EDN1: variants seen among roughly 807,000 people sequenced by gnomAD.
EDN1 encodes the protein endothelin 1.
Under a neutral mutation model 21.7 loss-of-function variants are expected in EDN1, and 11 were observed. The ratio of observed to expected loss-of-function variants is 0.51; its 90% confidence interval spans 0.32 to 0.84. EDN1 has a LOEUF of 0.84. Ranked by LOEUF, EDN1 falls within the 40% of genes least tolerant of loss-of-function variation. The pLI, the probability that EDN1 is intolerant of heterozygous loss-of-function variation, is 0.03. For synonymous variants in EDN1, 85 were observed against 90.6 expected (o/e 0.94, Z 0.35); for missense variants, 244 against 262.3 (o/e 0.93, Z 0.48).
At chr6:12,242,013 A>G in the EDN1 span, among the ~76,000 whole-genome samples, 1 of 152,218 alleles carries the variant, frequency 6.6e-6, no homozygotes, top group East Asian at 1.9e-4. Flanking sequence ...GTAATAGGCT[A>G]TGCATTAATG....
upstream of EDN1, among the ~76,000 whole-genome samples, chr6:12,289,259 C>T (rs1172463048): frequency 6.6e-6 from 1 of 152,162 alleles, no homozygotes; most frequent in African/African-American, 2.4e-5. Flanking sequence ...ACCTTCCTTG[C>T]ATATTCACTT....
the EDN1 span, among the ~76,000 whole-genome samples, chr6:12,281,989 C>T: frequency 6.6e-6 from 1 of 152,008 alleles, no homozygotes; most frequent in Non-Finnish European, 1.5e-5. Flanking sequence ...ATTAGGATGT[C>T]CTAGATGTTT....
chr6:12,261,070 T>C, the EDN1 span, among the ~76,000 whole-genome samples: 1 of 152,214 alleles, frequency 6.6e-6, no homozygotes, highest in Non-Finnish European at 1.5e-5. Flanking sequence ...CAGATTTGTG[T>C]GCAAAGATGA....
At chr6:12,279,753 T>C in the EDN1 span, among the ~76,000 whole-genome samples, 1 of 152,182 alleles carries the variant, frequency 6.6e-6, no homozygotes, top group Non-Finnish European at 1.5e-5. Flanking sequence ...GAACCTTAAA[T>C]GAAACTGTGG....
the EDN1 span, among the ~76,000 whole-genome samples, chr6:12,275,590 T>A: frequency 3.9e-5 from 6 of 152,062 alleles, no homozygotes; most frequent in African/African-American, 1.4e-4. Context: ...AATGTTTATA[T>A]TATATATATT....
At chr6:12,248,734 G>A in the EDN1 span, among the ~76,000 whole-genome samples, 4 of 152,212 alleles carry the variant, frequency 2.6e-5, no homozygotes, top group Non-Finnish European at 5.9e-5. Context: ...TGTGATTAAG[G>A]CTGGTGACAT....
the EDN1 span, among the ~76,000 whole-genome samples, chr6:12,235,258 G>T: frequency 4.6e-5 from 7 of 152,170 alleles, no homozygotes; most frequent in Non-Finnish European, 1.0e-4. Flanking sequence ...AGGAACCTCA[G>T]CTTTCTCCGT....
At chr6:12,281,277 C>T in the EDN1 span, among the ~76,000 whole-genome samples, 5 of 152,336 alleles carry the variant, frequency 3.3e-5, no homozygotes, top group African/African-American at 1.2e-4. Flanking sequence ...AGTTCTTCCT[C>T]TGTCCTTTGC....
chr6:12,262,318 C>A, the EDN1 span, among the ~76,000 whole-genome samples: 82 of 152,226 alleles, frequency 5.4e-4, no homozygotes, highest in Middle Eastern at 3.4e-3. Context: ...GCTCAAGAAA[C>A]CTGGGCCAGG....
the EDN1 span, among the ~76,000 whole-genome samples, chr6:12,272,400 C>T: frequency 6.6e-6 from 1 of 150,960 alleles, no homozygotes; most frequent in Non-Finnish European, 1.5e-5. Flanking sequence ...GACTTCTTCT[C>T]ACACTTACAT....
chr6:12,288,082 GGC>G (rs1195260079), upstream of EDN1, among the ~76,000 whole-genome samples: 7 of 152,020 alleles, frequency 4.6e-5, no homozygotes. Flanking sequence ...AAGGTGGGGT[GGC>G]GTGGAGTGGG....
the EDN1 span, among the ~76,000 whole-genome samples, chr6:12,262,263 A>G: frequency 6.6e-5 from 10 of 152,206 alleles, no homozygotes; most frequent in Non-Finnish European, 1.2e-4. Flanking sequence ...CATAGATGAG[A>G]GAGGCTTTGG....
intron 4 of EDN1, among the ~76,000 whole-genome samples, chr6:12,294,940 T>A (rs1040179739): frequency 5.4e-5 from 8 of 148,838 alleles, no homozygotes; most frequent in Non-Finnish European, 8.9e-5. Flanking sequence ...TTTTTTTTTT[T>A]AAATAGGGAA....
At chr6:12,290,748 T>C (rs764042350) in intron 1 of EDN1, 55 bp downstream of exon 1, 10 of 1,443,174 alleles carry the variant, frequency 6.9e-6, no homozygotes, top group Non-Finnish European at 9.8e-6. Flanking sequence ...TGTGTTCTTA[T>C]CCACCTTCAT....
chr6:12,260,356 T>A, the EDN1 span, among the ~76,000 whole-genome samples: 1 of 152,186 alleles, frequency 6.6e-6, no homozygotes, highest in Non-Finnish European at 1.5e-5. Flanking sequence ...GATCTCATAA[T>A]GAAAATCAAG....
chr6:12,269,067 C>CTGGGTATCT, the EDN1 span, among the ~76,000 whole-genome samples: 1 of 151,908 alleles, frequency 6.6e-6, no homozygotes, highest in Admixed American at 6.6e-5. Flanking sequence ...AAATTTATTG[C>CTGGGTATCT]TGGGTATCTT....
chr6:12,278,057 C>A, the EDN1 span, among the ~76,000 whole-genome samples: 1 of 152,152 alleles, frequency 6.6e-6, no homozygotes, highest in Non-Finnish European at 1.5e-5. Flanking sequence ...AATTTAATTT[C>A]TTCTCTAAGA....
the EDN1 span, among the ~76,000 whole-genome samples, chr6:12,240,492 T>C: frequency 6.6e-6 from 1 of 152,212 alleles, no homozygotes; most frequent in Admixed American, 6.5e-5. Flanking sequence ...GTCCTGTTCT[T>C]ATTGGACTTG....
chr6:12,256,616 G>T, the EDN1 span, among the ~76,000 whole-genome samples: 1 of 152,160 alleles, frequency 6.6e-6, no homozygotes, highest in Non-Finnish European at 1.5e-5. Flanking sequence ...AAACCAAACT[G>T]CAGACTTTCT....
Sources: allele counts gnomAD v4.1 joint callset (sites outside exome capture counted in the v4.1 genomes callset), GRCh38; gene constraint gnomAD v4.1.1; transcripts MANE v1.5; gene names NCBI Gene and HGNC (gene_info 2026-07-23, HGNC 2026-07-21).